Variants in ENOX1 observed in about 807,000 individuals in gnomAD.
ENOX1 encodes the protein ecto-NOX disulfide-thiol exchanger 1.
Under a neutral mutation model 82.5 loss-of-function variants are expected in ENOX1, and 42 were observed. The observed-to-expected ratio is 0.51, with a 90% CI of 0.40 to 0.66. The LOEUF (loss-of-function observed/expected upper bound fraction) is 0.66. Ranked by LOEUF, ENOX1 falls within the 30% of genes least tolerant of loss-of-function variation. The pLI is 0.00. For synonymous variants in ENOX1, 271 were observed against 282.2 expected, an observed-to-expected ratio of 0.96 and a Z score of 0.40; for missense variants, 608 against 811.6, an observed-to-expected ratio of 0.75 and a Z score of 3.05.
At chr13:43,338,920 C>A (rs963318532) in intron 9 of ENOX1, among the ~76,000 whole-genome samples, 1 of 152,048 alleles carries the variant, frequency 6.6e-6, no homozygotes, top group East Asian at 1.9e-4. Flanking sequence ...CTCCTGACCT[C>A]GTGATCCGCC....
chr13:43,701,641 T>C (rs1178813181), intron 1 of ENOX1, among the ~76,000 whole-genome samples: 1 of 152,306 alleles, frequency 6.6e-6, no homozygotes, highest in East Asian at 1.9e-4. Flanking sequence ...TTTTAAAGAA[T>C]TTTTAAATTA....
At chr13:43,758,437 T>C (rs1221650911) in intron 1 of ENOX1, among the ~76,000 whole-genome samples, 3 of 149,214 alleles carry the variant, frequency 2.0e-5, no homozygotes, top group Non-Finnish European at 4.5e-5. Context: ...ATTATAGAAA[T>C]GGTGAACAGA....
chr13:43,412,091 G>A (rs2054169296), intron 4 of ENOX1, 38 bp from the exon 5 acceptor site: 2 of 1,597,090 alleles, frequency 1.3e-6, no homozygotes, highest in Non-Finnish European at 8.6e-7. Context: ...GAGTCCATAG[G>A]CAAGGGTGTT....
intron 3 of ENOX1, among the ~76,000 whole-genome samples, chr13:43,418,520 T>G (rs2054775957): frequency 1.3e-5 from 2 of 152,164 alleles, no homozygotes. Flanking sequence ...AGCAAGACTC[T>G]GTCTCAAAAA....
chr13:43,287,704 T>TA lies in ENOX1; in HGVS notation c.1446+10641dup, dbSNP rs1335524970. Among the ~76,000 whole-genome samples the TA allele has an allele frequency of 6.6e-5, 10 of 152,280 alleles. No individual in the cohort carries two copies. The East Asian group carries it at 1.7e-3, about 26-fold the overall frequency. On this transcript the variant is annotated intron_variant, in intron 12 of 16. Coordinates refer to ENST00000690772, the MANE Select transcript of ENOX1 (RefSeq NM_001347969.2). ...GTGGGCCATCCTCACTCAAAACTGC[T>TA]AAAAAACATATAAGGAGGCTTCCTC...
At chr13:43,538,246 A>AT (rs908832623) in intron 2 of ENOX1, among the ~76,000 whole-genome samples, 4 of 152,162 alleles carry the variant, frequency 2.6e-5, no homozygotes, top group Non-Finnish European at 4.4e-5. Context: ...TTATTTCATC[A>AT]TTTTTTAAAA....
At chr13:43,461,275 T>C (rs1159543631) in intron 3 of ENOX1, among the ~76,000 whole-genome samples, 1 of 152,222 alleles carries the variant, frequency 6.6e-6, no homozygotes, top group Non-Finnish European at 1.5e-5. Flanking sequence ...TTGTGATCTC[T>C]GACTTGTTAA....
intron 1 of ENOX1, among the ~76,000 whole-genome samples, chr13:43,755,792 T>C (rs915267406): frequency 4.6e-5 from 7 of 152,344 alleles, no homozygotes; most frequent in South Asian, 2.1e-4. Flanking sequence ...ACATGTTGAT[T>C]ACTTTCTGGT....
chr13:43,647,027 G>A (rs1304227337), intron 2 of ENOX1, among the ~76,000 whole-genome samples: 1 of 152,156 alleles, frequency 6.6e-6, no homozygotes, highest in African/African-American at 2.4e-5. Flanking sequence ...CAAAACCAAG[G>A]AGGCCAATAG....
intron 2 of ENOX1, among the ~76,000 whole-genome samples, chr13:43,534,433 A>G (rs911715213): frequency 6.6e-6 from 1 of 152,072 alleles, no homozygotes; most frequent in Non-Finnish European, 1.5e-5. Flanking sequence ...TCCAGGGATA[A>G]TATTTTACCT....
intron 15 of ENOX1, among the ~76,000 whole-genome samples, chr13:43,231,242 C>T (rs1052184569): frequency 2.8e-4 from 42 of 152,092 alleles, no homozygotes; most frequent in Admixed American, 2.5e-3. Flanking sequence ...AAATGGTCCA[C>T]GGATGTTGGA....
intron 1 of ENOX1, among the ~76,000 whole-genome samples, chr13:43,705,458 T>C (rs7985461): frequency 0.11 from 17,352 of 151,234 alleles, 1,810 homozygotes; most frequent in African/African-American, 0.27. Flanking sequence ...AATGTAAAGA[T>C]ATATGCAAGT....
intron 2 of ENOX1, among the ~76,000 whole-genome samples, chr13:43,581,893 A>G (rs929586013): frequency 6.6e-6 from 1 of 152,246 alleles, no homozygotes. Flanking sequence ...ATTTAAAAAA[A>G]GGAACTATAC....
intron 12 of ENOX1, among the ~76,000 whole-genome samples, chr13:43,293,812 A>C (rs1378586050): frequency 6.6e-6 from 1 of 152,192 alleles, no homozygotes; most frequent in Non-Finnish European, 1.5e-5. Flanking sequence ...ATCTGACAAA[A>C]CTAACTGGGG....
chr13:43,364,916 A>G (rs2050753600), intron 5 of ENOX1, among the ~76,000 whole-genome samples: 1 of 152,178 alleles, frequency 6.6e-6, no homozygotes, highest in South Asian at 2.1e-4. Flanking sequence ...GGGGAATTCC[A>G]AACAATTTTT....
chr13:43,307,606 A>G lies in ENOX1; in HGVS notation c.1262-9076T>C, dbSNP rs888244290. ...TGAAAGGACCTTCTCTCCTGCTTTT[A>G]CAACCCAACACAGCCTTCTGGGCTT... On this transcript the variant is annotated intron_variant, in intron 11 of 16. Transcript: ENST00000690772. Among the ~76,000 whole-genome samples the G allele has an allele frequency of 1.4e-4, 22 of 152,112 alleles. 1 individual carries two copies. The highest frequency in any genetic ancestry group is 1.5e-5 in the Non-Finnish European group (1 of 68,024).
intron 2 of ENOX1, among the ~76,000 whole-genome samples, chr13:43,567,689 GT>G (rs1313167743): frequency 2.0e-5 from 3 of 152,150 alleles, no homozygotes; most frequent in Non-Finnish European, 4.4e-5. Flanking sequence ...TGAGGGATCA[GT>G]GCTTAATCTA....
At chr13:43,382,059 A>T (rs962957679) in intron 5 of ENOX1, among the ~76,000 whole-genome samples, 7 of 152,112 alleles carry the variant, frequency 4.6e-5, no homozygotes, top group Non-Finnish European at 7.4e-5. Flanking sequence ...TAAAAACATT[A>T]GAAGAAAGAA....
chr13:43,480,470 A>G (rs1401116312), intron 3 of ENOX1, among the ~76,000 whole-genome samples: 1 of 152,226 alleles, frequency 6.6e-6, no homozygotes, highest in African/African-American at 2.4e-5. Context: ...GAAAAGTTTT[A>G]AAAATGGGCT....
Sources: allele counts gnomAD v4.1 joint callset (sites outside exome capture counted in the v4.1 genomes callset), GRCh38; gene constraint gnomAD v4.1.1; transcripts MANE v1.5; gene names NCBI Gene and HGNC (gene_info 2026-07-23, HGNC 2026-07-21).